Variants in MED13 observed in about 807,000 individuals in gnomAD.
MED13 encodes the protein mediator of RNA polymerase II transcription subunit 13.
In MED13, 23 loss-of-function variants were observed where a neutral mutation model predicts 225.2. That is an observed-to-expected ratio of 0.10 (90% CI 0.07 to 0.14). The LOEUF (loss-of-function observed/expected upper bound fraction) is 0.14, where lower values mean the gene tolerates loss of function less well. Among genes scored for constraint, MED13 ranks in the 10% least tolerant of loss-of-function variants. The probability of loss-of-function intolerance (pLI) is 1.00; values close to 1 mark genes in which losing one functional copy is unlikely to be tolerated. For missense variants in MED13, 2,197 were observed against 2,594.5 expected (o/e 0.85, Z 3.33); for synonymous variants, 942 against 889.2 (o/e 1.06, Z -1.06).
intron 10 of MED13, 144 bp downstream of exon 10, chr17:61,995,008 G>A (rs2080335344): frequency 3.0e-6 from 2 of 667,270 alleles, no homozygotes; most frequent in Non-Finnish European, 4.9e-6. Flanking sequence ...ACCGCAGCCG[G>A]GCAAAAATAA....
chr17:61,970,737 T>C (rs2080100646), intron 17 of MED13, among the ~76,000 whole-genome samples: 1 of 149,454 alleles, frequency 6.7e-6, no homozygotes, highest in South Asian at 2.1e-4. Context: ...TTTTTTTTTT[T>C]TTTTTCTTGA....
intron 8 of MED13, among the ~76,000 whole-genome samples, chr17:62,028,044 T>G (rs1309007066): frequency 6.6e-6 from 1 of 152,148 alleles, no homozygotes; most frequent in Non-Finnish European, 1.5e-5. Context: ...AGCAACCCCA[T>G]TACTGGTTAT....
intron 3 of MED13, 63 bp downstream of exon 3, chr17:62,052,474 C>T: frequency 7.8e-7 from 1 of 1,279,672 alleles, no homozygotes; most frequent in Non-Finnish European, 1.1e-6. Flanking sequence ...CCCACATTCT[C>T]TGTTAAGACA....
intron 8 of MED13, among the ~76,000 whole-genome samples, chr17:62,026,084 TATTCC>T (rs1157278194): frequency 6.6e-6 from 1 of 152,210 alleles, no homozygotes; most frequent in East Asian, 1.9e-4. Context: ...GGTGACCATC[TATTCC>T]ATCACAAGTT....
At chr17:62,043,728 C>A (rs549759151) in intron 3 of MED13, among the ~76,000 whole-genome samples, 4 of 152,290 alleles carry the variant, frequency 2.6e-5, no homozygotes, top group Admixed American at 6.5e-5. Context: ...GCACACACAC[C>A]TAATTTCAAA....
Position 62,011,178 on chromosome 17 carries a change from C to A in MED13, c.1339G>T (p.Gly447Cys), listed in dbSNP as rs750066830. Residue 447 changes from glycine (G) to cysteine (C), a missense_variant, in exon 9 of 30, where the codon GGT (glycine) becomes TGT (cysteine). By Grantham distance (159) the Gly-to-Cys change is radical. Around this residue, in one of 12 missense-constraint regions of MED13, gnomAD observed 884 missense variants for 918.5 expected, o/e 0.96. Coordinates refer to ENST00000397786, the MANE Select transcript of MED13 (RefSeq NM_005121.3). ...TTAGGAAGTATTTGTTGTTGCTGAC[C>A]TAAAGATGGTGCCTGTCCTTGTTGT... ...AGQQGQAPSL[G>C]QQQQILPKHK... 6 of 1,613,990 alleles carry A rather than the reference C, an allele frequency of 3.7e-6. No individual in the cohort carries two copies. The highest frequency in any genetic ancestry group is 2.2e-5 in the South Asian group (2 of 91,060).
chr17:62,010,980 T>C lies in MED13; in HGVS notation c.1537A>G (p.Thr513Ala), dbSNP rs754744768. The change falls in exon 9 of 30, where the codon ACT becomes GCT. Residue 513 changes from threonine (T) to alanine (A), a missense_variant. Thr to Ala is a moderately conservative substitution (Grantham distance 58). Coordinates refer to ENST00000397786, the MANE Select transcript of MED13 (RefSeq NM_005121.3). Reference sequence around the variant, plus strand: ...TGAGGAGTCTTTGCTACATCATTAGTTCGGATATTTGAAAATCTCACTTGA... The same window carrying C: ...TGAGGAGTCTTTGCTACATCATTAGCTCGGATATTTGAAAATCTCACTTGA... Reference protein sequence around the residue: ...DSQVRFSNIRTNDVAKTPQMH... With the variant: ...DSQVRFSNIRANDVAKTPQMH... 6.8e-6 allele frequency: 11 copies of C among 1,613,674 alleles called. 1 individual carries two copies. The South Asian group carries it at 1.1e-4, about 16-fold the overall frequency.
intron 28 of MED13, 69 bp downstream of exon 28, chr17:61,950,756 C>A (rs2079889908): frequency 1.4e-6 from 2 of 1,480,774 alleles, no homozygotes; most frequent in Non-Finnish European, 1.8e-6. Context: ...AAAAAAGCCA[C>A]TTCTATATTT....
intron 26 of MED13, among the ~76,000 whole-genome samples, chr17:61,954,453 A>G (rs895357128): frequency 6.6e-6 from 1 of 152,174 alleles, no homozygotes; most frequent in African/African-American, 2.4e-5. Context: ...ACCTATACAA[A>G]TATTTTGTGA....
In MED13 at chr17:62,031,571, G is replaced by A. The variant is rs369617696; in HGVS notation, c.882C>T (p.Ser294=). The A allele has an allele frequency of 3.1e-6, 5 of 1,613,698 alleles. No homozygotes were observed. In the African/African-American group the frequency reaches 6.7e-5, roughly 22 times the overall value. The change falls in exon 6 of 30, where the codon AGC becomes AGT. Residue 294 remains serine (S), a synonymous_variant. Coordinates refer to ENST00000397786, the MANE Select transcript of MED13 (RefSeq NM_005121.3). ...LVPQSDIPTP[S]PVGSTHCSSS... is the part of the protein sequence containing the mutation. ...ATGAACAGTGAGTGGATCCCACAGG[G>A]CTAGGAGTAGGAATGTCTGACTGAG...
rs1481480004 is a variant in MED13, at chr17:61,945,450, C to T, written c.*1018G>A. The T allele has an allele frequency of 1.3e-5, 2 of 152,548 alleles. No individual in the cohort carries two copies. Among genetic ancestry groups the T allele is most frequent in the South Asian group, 2.1e-4 (1 of 4,828 alleles). 9.4% of individuals were successfully genotyped at this position (152,548 alleles called of 1,614,324 possible). A position where few individuals can be genotyped will look rare whatever the true frequency, so the allele number is the denominator to read the frequency against. Reference sequence around the variant, plus strand: ...AACTGAAAAAAATTTAAGCATGTAACATTAAACACTAAAATTAGTTTAAGC... The same window carrying T: ...AACTGAAAAAAATTTAAGCATGTAATATTAAACACTAAAATTAGTTTAAGC... On this transcript the variant is annotated 3_prime_UTR_variant, in exon 30 of 30. Coordinates refer to ENST00000397786, the MANE Select transcript of MED13 (RefSeq NM_005121.3).
Position 62,065,145 on chromosome 17 carries a change from A to C in MED13, c.61T>G (p.Cys21Gly). 1 of 1,572,302 alleles carries C rather than the reference A, an allele frequency of 6.4e-7. No individual in the cohort carries two copies. The highest frequency in any genetic ancestry group is 8.6e-7 in the Non-Finnish European group (1 of 1,160,886). The part of the protein sequence containing the change: ...SLEDCHCNLF[C>G]LADLTGIKWK... ...CCGCCGGCCCCGGCACTCACCAGGC[A>C]GAAGAGGTTACAGTGACAATCTTCC... Residue 21 changes from cysteine (C) to glycine (G), a missense_variant, in exon 1 of 30, where the codon TGC becomes GGC. This residue lies in a region of MED13 where 884 missense variants were observed against 918.5 expected (regional missense o/e 0.96). Transcript: ENST00000397786.
chr17:62,064,867 T>C (rs1476506234), intron 1 of MED13, among the ~76,000 whole-genome samples: 1 of 152,054 alleles, frequency 6.6e-6, no homozygotes, highest in Admixed American at 6.5e-5. Context: ...TCCTGCCAGA[T>C]AAGGAGCTCA....
chr17:61,965,613 A>G, intron 19 of MED13, 145 bp from the exon 20 acceptor site: 1 of 753,466 alleles, frequency 1.3e-6, no homozygotes, highest in Non-Finnish European at 2.1e-6. Context: ...GGTGTGACCT[A>G]CACTTGCTTT....
At chr17:62,038,207 G>A (rs950443204) in intron 3 of MED13, among the ~76,000 whole-genome samples, 1 of 151,992 alleles carries the variant, frequency 6.6e-6, no homozygotes, top group African/African-American at 2.4e-5. Flanking sequence ...GACCAGCCTA[G>A]GCAGCATAAG....
In MED13 at chr17:62,065,125, G is replaced by C; in HGVS notation, c.66+15C>G. The C allele has an allele frequency of 6.5e-7, 1 of 1,539,470 alleles. No homozygotes were observed. The highest frequency in any genetic ancestry group is 8.7e-7 in the Non-Finnish European group (1 of 1,144,770). ...CGGCCCCCCTCCCTCGGCGCCCGCC[G>C]GCCCCGGCACTCACCAGGCAGAAGA... On this transcript the variant is annotated intron_variant, in intron 1 of 29. Coordinates refer to ENST00000397786, the MANE Select transcript of MED13 (RefSeq NM_005121.3).
chr17:61,967,035 G>T (rs2080065121), intron 18 of MED13, among the ~76,000 whole-genome samples: 1 of 152,108 alleles, frequency 6.6e-6, no homozygotes, highest in Non-Finnish European at 1.5e-5. Context: ...CATGAATTAT[G>T]AATACAAATA....
intron 17 of MED13, among the ~76,000 whole-genome samples, chr17:61,971,847 T>C (rs2080112521): frequency 6.6e-6 from 1 of 151,934 alleles, no homozygotes. Flanking sequence ...GCCAGGAGAA[T>C]TGTGTGAACC....
chr17:61,994,819 C>T (rs1426977320), intron 10 of MED13, among the ~76,000 whole-genome samples: 2 of 152,192 alleles, frequency 1.3e-5, no homozygotes, highest in African/African-American at 4.8e-5. Context: ...AAGGGATTCT[C>T]CTGCCTCAGC....
Sources: gnomAD v4.1 joint callset for allele counts (sites outside exome capture counted in the v4.1 genomes callset) on GRCh38, gnomAD v4.1.1 for gene constraint, gnomAD v4.1.1 regional missense constraint, MANE v1.5 for transcripts, NCBI Gene and HGNC (gene_info 2026-07-23, HGNC 2026-07-21) for gene names.